The following SLC44A5 variants were observed in gnomAD, a reference collection of about 807,000 sequenced individuals.
The protein encoded by SLC44A5 is solute carrier family 44 member 5, also known as choline transporter-like protein 5.
Under a neutral mutation model 101.8 loss-of-function variants are expected in SLC44A5, and 57 were observed. That is an observed-to-expected ratio of 0.56 (90% confidence interval 0.45 to 0.70). SLC44A5 has a LOEUF of 0.70. Among genes scored for constraint, SLC44A5 ranks in the 30% least tolerant of loss-of-function variants. SLC44A5 has a pLI of 0.00. For synonymous variants in SLC44A5, 281 were observed against 290.9 expected, an observed-to-expected ratio of 0.97 and a Z score of 0.35; for missense variants, 737 against 853.1, an observed-to-expected ratio of 0.86 and a Z score of 1.70.
intron 2 of SLC44A5, among the ~76,000 whole-genome samples, chr1:75,445,031 TAA>T (rs1665470511): frequency 6.6e-6 from 1 of 152,168 alleles, no homozygotes; most frequent in South Asian, 2.1e-4. Context: ...TCTCTTGATG[TAA>T]ATTCTCTTGG....
chr1:75,701,640 T>C, the SLC44A5 span, among the ~76,000 whole-genome samples: 2 of 152,280 alleles, frequency 1.3e-5, no homozygotes, highest in Non-Finnish European at 2.9e-5. Flanking sequence ...CAACATAGTG[T>C]TGGAAGTTCT....
At chr1:75,673,422 C>T in the SLC44A5 span, among the ~76,000 whole-genome samples, 1 of 151,828 alleles carries the variant, frequency 6.6e-6, no homozygotes, top group African/African-American at 2.4e-5. Flanking sequence ...AGGTAGATTT[C>T]AAAAGTTCCT....
intron 3 of SLC44A5, among the ~76,000 whole-genome samples, chr1:75,341,795 G>A (rs75389839): frequency 0.013 from 1,941 of 152,152 alleles, 54 homozygotes; most frequent in African/African-American, 0.044. Flanking sequence ...ATCATTCCTG[G>A]TTCTAGATTT....
At chr1:75,616,919 G>C in the SLC44A5 span, among the ~76,000 whole-genome samples, 1 of 152,184 alleles carries the variant, frequency 6.6e-6, no homozygotes, top group Non-Finnish European at 1.5e-5. Context: ...CAGAAACTTG[G>C]TTACAGTGGC....
the SLC44A5 span, among the ~76,000 whole-genome samples, chr1:75,659,922 A>T: frequency 6.6e-6 from 1 of 152,182 alleles, no homozygotes; most frequent in African/African-American, 2.4e-5. Flanking sequence ...CATGCAAATC[A>T]ATAAATGTAA....
intron 1 of SLC44A5, among the ~76,000 whole-genome samples, chr1:75,572,307 A>T (rs1673116233): frequency 2.6e-5 from 4 of 152,164 alleles, no homozygotes. Context: ...TCTTCAGAGG[A>T]AAAAAGGAAC....
At chr1:75,463,327 G>T (rs1225946559) in intron 2 of SLC44A5, among the ~76,000 whole-genome samples, 1 of 150,938 alleles carries the variant, frequency 6.6e-6, no homozygotes, top group African/African-American at 2.4e-5. Flanking sequence ...GGCTGAGGCA[G>T]GAGAATGGCG....
At chr1:75,242,490 T>C (rs1648721395) in intron 8 of SLC44A5, among the ~76,000 whole-genome samples, 1 of 151,978 alleles carries the variant, frequency 6.6e-6, no homozygotes, top group Non-Finnish European at 1.5e-5. Flanking sequence ...TTTAAATGAG[T>C]TGTTATCAAA....
At chr1:75,290,458 C>T (rs537516923) in intron 5 of SLC44A5, among the ~76,000 whole-genome samples, 1 of 152,284 alleles carries the variant, frequency 6.6e-6, no homozygotes, top group Admixed American at 6.5e-5. Flanking sequence ...GCAGTTTCCA[C>T]CCCTAGGCCT....
At chr1:75,708,145 GC>G in the SLC44A5 span, among the ~76,000 whole-genome samples, 12 of 151,892 alleles carry the variant, frequency 7.9e-5, no homozygotes, top group East Asian at 2.1e-3. Context: ...GGGTGCGGTG[GC>G]TCACACCTGT....
intron 6 of SLC44A5, among the ~76,000 whole-genome samples, chr1:75,264,976 A>T (rs911797496): frequency 1.3e-5 from 2 of 152,214 alleles, no homozygotes; most frequent in African/African-American, 2.4e-5. Flanking sequence ...GCTATCAGAG[A>T]CTGTTATGAA....
chr1:75,712,713 A>AAACC, the SLC44A5 span, among the ~76,000 whole-genome samples: 9 of 110,642 alleles, frequency 8.1e-5, 1 homozygote, highest in Non-Finnish European at 1.4e-4. Context: ...AAAAAAAAAA[A>AAACC]ATGGAAAAGA....
the SLC44A5 span, among the ~76,000 whole-genome samples, chr1:75,653,397 A>G: frequency 2.0e-5 from 3 of 152,180 alleles, no homozygotes; most frequent in South Asian, 6.2e-4. Context: ...CAGGAGAATC[A>G]CTTGAATCCG....
the SLC44A5 span, among the ~76,000 whole-genome samples, chr1:75,692,807 G>A: frequency 6.9e-4 from 105 of 152,254 alleles, 1 homozygote; most frequent in African/African-American, 2.3e-3. Flanking sequence ...GGTAAATATA[G>A]TAAGATTTCT....
the SLC44A5 span, among the ~76,000 whole-genome samples, chr1:75,716,600 C>A: frequency 6.6e-6 from 1 of 152,318 alleles, no homozygotes; most frequent in South Asian, 2.1e-4. Flanking sequence ...CCAGAAATCC[C>A]ATTACTGGGC....
At chr1:75,399,831 C>G (rs1662361789) in intron 2 of SLC44A5, among the ~76,000 whole-genome samples, 1 of 152,142 alleles carries the variant, frequency 6.6e-6, no homozygotes, top group Non-Finnish European at 1.5e-5. Flanking sequence ...GCATGTAAAA[C>G]TGCTTTTATA....
chr1:75,434,407 C>A (rs984706276), intron 2 of SLC44A5, among the ~76,000 whole-genome samples: 2 of 152,074 alleles, frequency 1.3e-5, no homozygotes, highest in African/African-American at 2.4e-5. Flanking sequence ...CCGTTCCCAA[C>A]CCATTTTTTC....
intron 1 of SLC44A5, among the ~76,000 whole-genome samples, chr1:75,576,168 A>G (rs1372289608): frequency 1.3e-5 from 2 of 152,160 alleles, no homozygotes; most frequent in Non-Finnish European, 2.9e-5. Context: ...TATTACAGTA[A>G]AATAAAAATA....
chr1:75,386,121 T>A (rs1456182083), intron 3 of SLC44A5, among the ~76,000 whole-genome samples: 1 of 151,572 alleles, frequency 6.6e-6, no homozygotes, highest in South Asian at 2.1e-4. Context: ...GGGCAAAAAC[T>A]GGAAGCATTC....
Sources: gnomAD v4.1 joint callset for allele counts (sites outside exome capture counted in the v4.1 genomes callset) on GRCh38, gnomAD v4.1.1 for gene constraint, MANE v1.5 for transcripts, NCBI Gene and HGNC (gene_info 2026-07-23, HGNC 2026-07-21) for gene names.